Variants in ZNF180 observed in about 807,000 individuals in gnomAD.
ZNF180 encodes the protein zinc finger protein 180.
ZNF180 carries 11 observed loss-of-function variants against 11.8 expected under a neutral mutation model. That is an observed-to-expected ratio of 0.93 (90% CI 0.59 to 1.55). The LOEUF (loss-of-function observed/expected upper bound fraction) is 1.55. Among genes scored for constraint, ZNF180 ranks in the 40% most tolerant of loss-of-function variants. The pLI, the probability that ZNF180 is intolerant of heterozygous loss-of-function variation, is 0.00. For synonymous variants in ZNF180, 287 were observed against 257.7 expected (o/e 1.11, Z -1.09); for missense variants, 773 against 781.7 (o/e 0.99, Z 0.13).
chr19:44,478,775 T>C (rs1186212965), intron 4 of ZNF180, among the ~76,000 whole-genome samples: 1 of 152,114 alleles, frequency 6.6e-6, no homozygotes, highest in African/African-American at 2.4e-5. Flanking sequence ...AGAGAGTATA[T>C]ATGGAAAAAG....
chr19:44,492,043 G>T (rs1970462620), intron 2 of ZNF180, among the ~76,000 whole-genome samples: 1 of 152,212 alleles, frequency 6.6e-6, no homozygotes, highest in Non-Finnish European at 1.5e-5. Flanking sequence ...CCAAGGCCCA[G>T]ATCAAATGCC....
chr19:44,482,404 G>A lies in ZNF180; in HGVS notation c.126+1957C>T, dbSNP rs141822072. Among the ~76,000 whole-genome samples, 404 of 152,146 alleles carry A rather than the reference G, an allele frequency of 2.7e-3. 3 individuals carry two copies. Among genetic ancestry groups the A allele is most frequent in the African/African-American group, 9.4e-3 (389 of 41,504 alleles). ...TTAATGGAGACTTATACTTCCTGCT[G>A]ATGACTTCCCTCCTCCTCAGTCCTC... On this transcript the variant is annotated intron_variant, in intron 3 of 4. Coordinates refer to ENST00000592529, the MANE Select transcript of ZNF180 (RefSeq NM_001278509.3).
chr19:44,483,423 T>C (rs952410336), intron 3 of ZNF180, among the ~76,000 whole-genome samples: 2 of 152,196 alleles, frequency 1.3e-5, no homozygotes, highest in Non-Finnish European at 2.9e-5. Flanking sequence ...GGGCTACAAA[T>C]TGCCACTGCA....
At chr19:44,482,568 C>A (rs980523772) in intron 3 of ZNF180, among the ~76,000 whole-genome samples, 3 of 152,098 alleles carry the variant, frequency 2.0e-5, no homozygotes, top group Non-Finnish European at 4.4e-5. Context: ...TGAACACCAC[C>A]CCCACCCCAT....
rs185983886 is a variant in ZNF180 at position 44,494,291 on chromosome 19, G to C, written c.51+2993C>G. On this transcript the variant is annotated intron_variant, in intron 2 of 4. Transcript: ENST00000592529. ...GACTTCTAATTCAGCTCACAAAAAA[G>C]AAAATGGTAAAAGGACCATTAAGAG... Among the ~76,000 whole-genome samples the C allele has an allele frequency of 6.4e-4, 98 of 152,200 alleles. 2 individuals are homozygous for C. The highest frequency in any genetic ancestry group is 2.1e-3 in the African/African-American group (87 of 41,512).
intron 2 of ZNF180, chr19:44,485,160 CAAAAAAA>C (rs200848889): frequency 1.7e-3 from 136 of 81,570 alleles, no homozygotes; most frequent in Admixed American, 3.9e-3. Context: ...GACTCCATCT[CAAAAAAA>C]AAAAAAAAAA....
chr19:44,477,612 AT>A lies in ZNF180; in HGVS notation c.787del (p.Ile263TyrfsTer21), dbSNP rs1279669617. ...QSFCHGTPLH[I>X]HEKIHGGGKT... Reference sequence around the variant, plus strand: ...TCCTCCTCCATGAATTTTTTCATGTATATGTAGGGGTGTACCATGGCAAAAA... The same window carrying A: ...TCCTCCTCCATGAATTTTTTCATGTAATGTAGGGGTGTACCATGGCAAAAA... On this transcript the variant is annotated frameshift_variant, in exon 5 of 5. Transcript: ENST00000592529. LOFTEE classifies it low-confidence loss of function (END_TRUNC). The A allele has an allele frequency of 6.2e-7, 1 of 1,613,940 alleles. No homozygotes were observed.
At chr19:44,483,995 C>CT (rs66671115) in intron 3 of ZNF180, among the ~76,000 whole-genome samples, 69 of 136,860 alleles carry the variant, frequency 5.0e-4, no homozygotes, top group Non-Finnish European at 7.1e-4. Flanking sequence ...TTCTTTCTTT[C>CT]TTTTTTTTTT....
intron 4 of ZNF180, 135 bp downstream of exon 4, chr19:44,479,147 TG>T: frequency 1.9e-6 from 2 of 1,031,368 alleles, no homozygotes; most frequent in Non-Finnish European, 2.8e-6. Flanking sequence ...TAATCTTCAC[TG>T]GGGAATAAAG....
Position 44,476,653 on chromosome 19 carries a change from A to G in ZNF180, c.1747T>C (p.Cys583Arg). 1.2e-6 allele frequency: 2 copies of G among 1,614,186 alleles called. No individual in the cohort carries two copies. Among genetic ancestry groups the G allele is most frequent in the African/African-American group, 1.3e-5 (1 of 75,070 alleles). ...GAACTCTGTCTGAAGGACTTCCCAC[A>G]TTGACTGCATTCATAGGGCTTTTCT... Reference protein sequence around the residue: ...TGEKPYECSQCGKSFRQSSCL... With the variant: ...TGEKPYECSQRGKSFRQSSCL... The change falls in exon 5 of 5, where the codon TGT (cysteine) becomes CGT (arginine). Residue 583 changes from cysteine (C) to arginine (R), a missense_variant. Coordinates refer to ENST00000592529, the MANE Select transcript of ZNF180 (RefSeq NM_001278509.3).
Position 44,479,354 on chromosome 19 carries a change from G to A in ZNF180, c.182C>T (p.Thr61Ile). ...CAGGGTCCTCTGAGCAGGGTTGCAA[G>A]TACCCTGTTCCTCCCGTGTGAAGTC... ...TVDFTREEQG[T>I]CNPAQRTLDR... Residue 61 changes from threonine to isoleucine, a missense_variant, in exon 4 of 5, where the codon ACT (threonine) becomes ATT (isoleucine). By Grantham distance (89) the Thr-to-Ile change is moderately conservative. Transcript: ENST00000592529. 1 of 1,613,980 alleles carries A rather than the reference G, an allele frequency of 6.2e-7. No individual in the cohort carries two copies. Among genetic ancestry groups the A allele is most frequent in the Non-Finnish European group, 8.5e-7 (1 of 1,179,916 alleles).
intron 2 of ZNF180, among the ~76,000 whole-genome samples, chr19:44,490,190 G>A (rs1039248903): frequency 2.0e-5 from 3 of 149,660 alleles, no homozygotes; most frequent in African/African-American, 7.4e-5. Context: ...GAGGGAGGGA[G>A]GGAGGATGGA....
chr19:44,476,301 A>G lies in ZNF180; in HGVS notation c.*101T>C. 8.7e-7 allele frequency: 1 copy of G among 1,149,304 alleles called. No homozygotes were observed. Among genetic ancestry groups the G allele is most frequent in the East Asian group, 2.6e-5 (1 of 38,550 alleles). The allele number at this position is 1,149,304 out of a possible 1,614,324, so 71.2% of individuals were successfully genotyped here. ...CAGAGGGCTGGAAGTTTTCCCACAT[A>G]TATTGTTTTTATAGTAGTTCTTCCA... On this transcript the variant is annotated 3_prime_UTR_variant, in exon 5 of 5. Coordinates refer to ENST00000592529, the MANE Select transcript of ZNF180 (RefSeq NM_001278509.3).
At chr19:44,479,466 G>A in intron 3 of ZNF180, 57 bp from the exon 4 acceptor site, 1 of 1,604,668 alleles carries the variant, frequency 6.2e-7, no homozygotes, top group Non-Finnish European at 8.5e-7. Flanking sequence ...CAAAGTTCAT[G>A]GAGGAGGAAA....
intron 1 of ZNF180, 125 bp downstream of exon 1, chr19:44,500,150 G>A (rs1179680291): frequency 6.2e-7 from 1 of 1,613,792 alleles, no homozygotes; most frequent in Non-Finnish European, 8.5e-7. Context: ...GGTGACCCGA[G>A]GCTAAAGCGC....
rs779243088 is a variant in ZNF180, at chr19:44,476,965, A to G, written c.1435T>C (p.Tyr479His). 1 of 1,614,030 alleles carries G rather than the reference A, an allele frequency of 6.2e-7. No homozygotes were observed. The highest frequency in any genetic ancestry group is 8.5e-7 in the Non-Finnish European group (1 of 1,179,994). The change falls in exon 5 of 5, where the codon TAT becomes CAT. Residue 479 changes from tyrosine (Y) to histidine (H), a missense_variant. Coordinates refer to ENST00000592529, the MANE Select transcript of ZNF180 (RefSeq NM_001278509.3). ...NQCGKSFSQS[Y>H]KLVAHQRTHT... is the part of the protein sequence containing the mutation. ...GTTCTCTGATGAGCAACAAGTTTAT[A>G]ACTTTGACTAAAGGATTTCCCACAC...
At chr19:44,492,278 C>T (rs115281640) in intron 2 of ZNF180, among the ~76,000 whole-genome samples, 38 of 152,294 alleles carry the variant, frequency 2.5e-4, no homozygotes, top group African/African-American at 8.9e-4. Flanking sequence ...AATAAAAGTT[C>T]TCTGCATTTG....
chr19:44,486,672 G>A (rs1371918934), intron 2 of ZNF180, among the ~76,000 whole-genome samples: 1 of 152,174 alleles, frequency 6.6e-6, no homozygotes, highest in African/African-American at 2.4e-5. Context: ...GGGAGGCTGA[G>A]GTGGAAGGAT....
rs764764909 is a variant in ZNF180 at position 44,477,954 on chromosome 19, A to G, written c.446T>C (p.Val149Ala). The change falls in exon 5 of 5, where the codon GTG becomes GCG. Residue 149 changes from valine to alanine, a missense_variant. Coordinates refer to ENST00000592529, the MANE Select transcript of ZNF180 (RefSeq NM_001278509.3). ...QEKQEILLQE[V>A]AFTQRKAVIH... ...AACTGCTTTCCTTTGAGTGAATGCC[A>G]CTTCCTGCAAAAGTATCTCTTGTTT... The G allele has an allele frequency of 1.2e-6, 2 of 1,614,038 alleles. No individual in the cohort carries two copies. The highest frequency in any genetic ancestry group is 3.3e-5 in the Admixed American group (2 of 60,018).
Sources: allele counts gnomAD v4.1 joint callset (sites outside exome capture counted in the v4.1 genomes callset), GRCh38; gene constraint gnomAD v4.1.1; transcripts MANE v1.5; gene names NCBI Gene and HGNC (gene_info 2026-07-23, HGNC 2026-07-21).